Variants in DOT1L observed in about 807,000 individuals in gnomAD.
DOT1L encodes the protein histone-lysine N-methyltransferase, H3 lysine-79 specific.
In DOT1L, 33 loss-of-function variants were observed where a neutral mutation model predicts 153.3. The observed-to-expected ratio is 0.22, with a 90% CI of 0.16 to 0.29. The LOEUF (loss-of-function observed/expected upper bound fraction) is 0.29. Ranked by LOEUF, DOT1L falls within the 10% of genes least tolerant of loss-of-function variation. The pLI is 1.00. For missense variants in DOT1L, 1,847 were observed against 2,119.9 expected, an observed-to-expected ratio of 0.87 and a Z score of 2.53; for synonymous variants, 1,135 against 965.1, an observed-to-expected ratio of 1.18 and a Z score of -3.26.
chr19:2,217,043 CT>C lies in DOT1L; in HGVS notation c.2498del (p.Leu833ArgfsTer18), dbSNP rs1221529585. On this transcript the variant is annotated frameshift_variant, in exon 21 of 28. Coordinates refer to ENST00000398665, the MANE Select transcript of DOT1L (RefSeq NM_032482.3). LOFTEE classifies it high-confidence loss of function. This position sits in a 1 kb window ranked among gnomAD's most constrained non-coding sequence, Gnocchi z 7.3. ...MKLSPQDPRP[L>X]SPGALQLAGE... ...GCTGAGCCCTCAGGACCCGCGGCCC[CT>C]GTCCCCTGGGGCCTTGCAGCTTGCT... 1.2e-6 allele frequency: 2 copies of C among 1,612,298 alleles called. No homozygotes were observed. The highest frequency in any genetic ancestry group is 1.3e-5 in the African/African-American group (1 of 74,932).
intron 27 of DOT1L, 67 bp downstream of exon 27, chr19:2,227,194 T>C: frequency 6.4e-7 from 1 of 1,560,766 alleles, no homozygotes; most frequent in Non-Finnish European, 8.7e-7. Context: ...CCTTTGCAGG[T>C]TCCCTTCCGC....
chr19:2,171,077 T>C (rs575073591), intron 1 of DOT1L, among the ~76,000 whole-genome samples: 47 of 152,300 alleles, frequency 3.1e-4, no homozygotes, highest in African/African-American at 1.1e-3. Context: ...ATTCTCTTCC[T>C]TCAGCCTCCT....
At chr19:2,206,450 C>T (rs552964232) in intron 9 of DOT1L, among the ~76,000 whole-genome samples, 193 of 148,070 alleles carry the variant, frequency 1.3e-3, no homozygotes, top group Non-Finnish European at 1.8e-3. Context: ...CACAGCTACT[C>T]GCAAGGCTGA....
chr19:2,193,307 C>G lies in DOT1L; in HGVS notation c.494-382C>G, dbSNP rs1439113900. Among the ~76,000 whole-genome samples the G allele has an allele frequency of 6.6e-6, 1 of 152,206 alleles. No homozygotes were observed. The highest frequency in any genetic ancestry group is 1.5e-5 in the Non-Finnish European group (1 of 68,044). On this transcript the variant is annotated intron_variant, in intron 5 of 27. Transcript: ENST00000398665. This position sits in a 1 kb window ranked among gnomAD's most constrained non-coding sequence, Gnocchi z 5.9. ...TTTTATCAGCCAGGTTGCTGTGTGT[C>G]TGTGTGCTGGTGACGTGGGGATAAT...
Position 2,217,031 on chromosome 19 carries a change from G to C in DOT1L, c.2485G>C (p.Asp829His). Reference protein sequence around the residue: ...VPGSMKLSPQDPRPLSPGALQ... With the variant: ...VPGSMKLSPQHPRPLSPGALQ... The stretch of plus-strand genomic sequence containing the variant: ...TGGCAGCATGAAGCTGAGCCCTCAG[G>C]ACCCGCGGCCCCTGTCCCCTGGGGC... Residue 829 changes from aspartate (D) to histidine (H), a missense_variant, in exon 21 of 28, where the codon GAC becomes CAC. By Grantham distance (81) the Asp-to-His change is moderately conservative. This residue lies in a region of DOT1L where 281 missense variants were observed against 263.6 expected (regional missense o/e 1.07). Transcript: ENST00000398665. This position sits in a 1 kb window ranked among gnomAD's most constrained non-coding sequence, Gnocchi z 7.3. The C allele has an allele frequency of 6.2e-7, 1 of 1,612,858 alleles. No individual in the cohort carries two copies. Among genetic ancestry groups the C allele is most frequent in the Non-Finnish European group, 8.5e-7 (1 of 1,179,818 alleles).
chr19:2,216,399 G>A lies in DOT1L; in HGVS notation c.2042G>A (p.Arg681His), dbSNP rs749779365. ...CTGCGTGGGAAGGGCGCCCTGGGCCGCGAGCTGGAGCCTGACGCCAGCCGG... is the reference window on the plus strand; with the variant it reads ...CTGCGTGGGAAGGGCGCCCTGGGCCACGAGCTGGAGCCTGACGCCAGCCGG... ...LHLRGKGALG[R>H]ELEPDASRLH... Residue 681 changes from arginine (R) to histidine (H), a missense_variant, in exon 20 of 28, where the codon CGC becomes CAC. Physicochemically the swap from Arg to His is conservative, Grantham distance 29. This residue lies in a region of DOT1L where 281 missense variants were observed against 263.6 expected (regional missense o/e 1.07). Transcript: ENST00000398665. 1.5e-5 allele frequency: 24 copies of A among 1,612,394 alleles called. No homozygotes were observed. The East Asian group carries it at 1.6e-4, about 10-fold the overall frequency.
rs139918202 is a variant in DOT1L at position 2,214,608 on chromosome 19, G to A, written c.1923+12G>A. 2.1e-4 allele frequency: 343 copies of A among 1,610,786 alleles called. 1 individual carries two copies. The African/African-American group carries it at 4.1e-3, about 19-fold the overall frequency. On this transcript the variant is annotated intron_variant, in intron 19 of 27. Transcript: ENST00000398665. Reference sequence around the variant, plus strand: ...GCCTGGAGCTGCAGGTGGGCTGCGCGCGAGGCTGCACTCCGTGGTGTCCGA... The same window carrying A: ...GCCTGGAGCTGCAGGTGGGCTGCGCACGAGGCTGCACTCCGTGGTGTCCGA...
chr19:2,231,483 G>T lies in DOT1L; in HGVS notation c.*1691G>T, dbSNP rs571676681. On this transcript the variant is annotated 3_prime_UTR_variant, in exon 28 of 28. Transcript: ENST00000398665. ...CCTGCTTGTGCCTGGTGAGGGGGGT[G>T]CTGCCTCCCCCAGCCCCCAACAACC... The T allele has an allele frequency of 4.4e-5, 9 of 206,236 alleles. No homozygotes were observed. The East Asian group carries it at 4.4e-4, about 10-fold the overall frequency. The allele number at this position is 206,236 out of a possible 1,614,324, so 12.8% of individuals were successfully genotyped here. A position where few individuals can be genotyped will look rare whatever the true frequency, so the allele number is the denominator to read the frequency against.
chr19:2,165,666 A>T, intron 1 of DOT1L, among the ~76,000 whole-genome samples: 1 of 152,218 alleles, frequency 6.6e-6, no homozygotes, highest in South Asian at 2.1e-4. Flanking sequence ...TCATCGTTTT[A>T]GGTGGTAGAA....
rs370237255 is a variant in DOT1L, at chr19:2,189,914, A to T, written c.264+119A>T. ...CCCCTTAGAGCCCCTGGGGATTGGA[A>T]TGTGCAGCGTGGGGGGACGATGGGC... On this transcript the variant is annotated intron_variant, in intron 4 of 27. Transcript: ENST00000398665. 3 of 1,154,118 alleles carry T rather than the reference A, an allele frequency of 2.6e-6. No homozygotes were observed. The African/African-American group carries it at 4.6e-5, about 18-fold the overall frequency. The allele number at this position is 1,154,118 out of a possible 1,614,324, so 71.5% of individuals were successfully genotyped here. A position where few individuals can be genotyped will look rare whatever the true frequency, so the allele number is the denominator to read the frequency against.
At chr19:2,200,032 T>G in intron 8 of DOT1L, 93 bp downstream of exon 8, 5 of 1,493,036 alleles carry the variant, frequency 3.3e-6, no homozygotes, top group Non-Finnish European at 4.6e-6. Flanking sequence ...GGCCCCTCGC[T>G]CCTGTGCTGG....
intron 1 of DOT1L, among the ~76,000 whole-genome samples, chr19:2,179,725 TGA>T (rs1464533647): frequency 2.0e-5 from 3 of 152,130 alleles, no homozygotes; most frequent in Non-Finnish European, 4.4e-5. Flanking sequence ...GAGAATCCCT[TGA>T]ACCTGGGAGG....
chr19:2,180,417 AG>A (rs1448599300), intron 1 of DOT1L, among the ~76,000 whole-genome samples: 1 of 152,114 alleles, frequency 6.6e-6, no homozygotes, highest in African/African-American at 2.4e-5. Flanking sequence ...CGTTTGCTTT[AG>A]GGTGGGAGAG....
intron 26 of DOT1L, 104 bp downstream of exon 26, chr19:2,225,556 A>G (rs536711552): frequency 4.0e-6 from 5 of 1,252,486 alleles, no homozygotes; most frequent in South Asian, 2.4e-5. Flanking sequence ...CGTGTCCCGC[A>G]TGGTGCTGGC....
rs2023055493 is a variant in DOT1L, at chr19:2,197,101, T to C, written c.651+2524T>C. On this transcript the variant is annotated intron_variant, in intron 7 of 27. Transcript: ENST00000398665. The surrounding 1 kb of genome is among the most constrained non-coding windows in gnomAD (Gnocchi z 4.1). ...GGGTTTTCTGCCGTGGTGGGAGCCG[T>C]GGCCTGCGGTGCTTCCTTGCGGCCA... 6.6e-6 allele frequency among the ~76,000 whole-genome samples: 1 copy of C among 152,126 alleles called. No homozygotes were observed. Among genetic ancestry groups the C allele is most frequent in the Admixed American group, 6.5e-5 (1 of 15,274 alleles).
chr19:2,167,109 C>T (rs960991853), intron 1 of DOT1L, among the ~76,000 whole-genome samples: 4 of 152,162 alleles, frequency 2.6e-5, no homozygotes, highest in African/African-American at 9.7e-5. Context: ...GGTCACAGGA[C>T]TGTGGGCTGT....
At chr19:2,175,039 C>T (rs1023180413) in intron 1 of DOT1L, among the ~76,000 whole-genome samples, 1 of 150,026 alleles carries the variant, frequency 6.7e-6, no homozygotes, top group Admixed American at 6.7e-5. Flanking sequence ...TGCTCTGTTG[C>T]CCAGGCTGGA....
intron 1 of DOT1L, 58 bp from the exon 2 acceptor site, chr19:2,180,655 C>T (rs926507120): frequency 3.9e-5 from 63 of 1,602,368 alleles, no homozygotes; most frequent in Non-Finnish European, 4.9e-5. Context: ...GGGAAGAGAG[C>T]GATGGGCTCA....
intron 1 of DOT1L, among the ~76,000 whole-genome samples, chr19:2,168,023 C>A (rs536205763): frequency 7.2e-5 from 11 of 152,326 alleles, no homozygotes; most frequent in African/African-American, 2.2e-4. Flanking sequence ...GCGTGAACCA[C>A]CGTGCCCAGA....
Sources: allele counts gnomAD v4.1 joint callset (sites outside exome capture counted in the v4.1 genomes callset), GRCh38; gene constraint gnomAD v4.1.1; regional missense constraint gnomAD v4.1.1; non-coding constraint Gnocchi (gnomAD v3.1); transcripts MANE v1.5; gene names NCBI Gene and HGNC (gene_info 2026-07-23, HGNC 2026-07-21).